The following PFKM variants were observed in gnomAD, a reference collection of about 807,000 sequenced individuals.
The protein encoded by PFKM is ATP-dependent 6-phosphofructokinase, muscle type.
PFKM carries 58 observed loss-of-function variants against 95.5 expected under a neutral mutation model. The ratio of observed to expected loss-of-function variants is 0.61; its 90% confidence interval spans 0.49 to 0.76. The LOEUF is 0.76. PFKM is among the 30% of genes least tolerant of loss of function. The pLI is 0.00. For synonymous variants in PFKM, 336 were observed against 357.2 expected, an observed-to-expected ratio of 0.94 and a Z score of 0.67; for missense variants, 678 against 1,005.4, an observed-to-expected ratio of 0.67 and a Z score of 4.40.
chr12:48,115,359 G>A (rs1345117883), upstream of PFKM, among the ~76,000 whole-genome samples: 9 of 152,208 alleles, frequency 5.9e-5, no homozygotes, highest in Admixed American at 5.9e-4. Flanking sequence ...GTCTGCAAAG[G>A]GTGGTGGATT....
chr12:48,121,916 C>T (rs1273864448), intron 1 of PFKM, among the ~76,000 whole-genome samples: 3 of 152,150 alleles, frequency 2.0e-5, no homozygotes, highest in Non-Finnish European at 4.4e-5. Context: ...ATTCTACTGG[C>T]ATTTTATGGA....
In PFKM at chr12:48,145,713, C is replaced by T; in HGVS notation, c.*5C>T. ...TCCGGGGAAGCTGCCGTCTAAACCTCTCTGGAGTGAGGGGAATAGATTACC... is the reference window on the plus strand; with the variant it reads ...TCCGGGGAAGCTGCCGTCTAAACCTTTCTGGAGTGAGGGGAATAGATTACC... On this transcript the variant is annotated 3_prime_UTR_variant, in exon 23 of 23. Transcript: ENST00000359794. This position sits in a 1 kb window ranked among gnomAD's most constrained non-coding sequence, Gnocchi z 4.3. 1 of 1,614,068 alleles carries T rather than the reference C, an allele frequency of 6.2e-7. No individual in the cohort carries two copies. The highest frequency in any genetic ancestry group is 8.5e-7 in the Non-Finnish European group (1 of 1,179,912).
At chr12:48,132,698 C>T (rs1592725311) in intron 4 of PFKM, 170 bp from the exon 5 acceptor site, 1 of 667,678 alleles carries the variant, frequency 1.5e-6, no homozygotes, top group Non-Finnish European at 2.7e-6. Context: ...TATGATGCCT[C>T]AGCCAGCATC....
Position 48,137,684 on chromosome 12 carries a change from C to G in PFKM, c.937-37C>G, listed in dbSNP as rs759705459. Reference sequence around the variant, plus strand: ...CTAGGCTGAGCCAAGATGGGGCAGCCTGAGCCAGACTGTCTTTGTTCTCTG... The same window carrying G: ...CTAGGCTGAGCCAAGATGGGGCAGCGTGAGCCAGACTGTCTTTGTTCTCTG... On this transcript the variant is annotated intron_variant, in intron 10 of 22. Coordinates refer to ENST00000359794, the MANE Select transcript of PFKM (RefSeq NM_000289.6). 7.4e-6 allele frequency: 12 copies of G among 1,613,960 alleles called. No individual in the cohort carries two copies. The South Asian group carries it at 1.2e-4, about 16-fold the overall frequency.
chr12:48,108,074 G>T (rs1946861782), exon 3 of PFKM: 1 of 1,599,092 alleles, frequency 6.3e-7, no homozygotes, highest in South Asian at 1.1e-5. Context: ...TTTCTCAGCT[G>T]GGGAAGCTTC....
intron 2 of PFKM, among the ~76,000 whole-genome samples, chr12:48,124,596 C>T (rs1287006844): frequency 6.6e-6 from 1 of 152,168 alleles, no homozygotes; most frequent in Non-Finnish European, 1.5e-5. Flanking sequence ...CAGTGAGACC[C>T]TCTTATTCTA....
Sources: gnomAD v4.1 joint callset for allele counts (sites outside exome capture counted in the v4.1 genomes callset) on GRCh38, gnomAD v4.1.1 for gene constraint, Gnocchi (gnomAD v3.1) non-coding constraint, MANE v1.5 for transcripts, NCBI Gene and HGNC (gene_info 2026-07-23, HGNC 2026-07-21) for gene names.